The following MYO9B variants were observed in gnomAD, a reference collection of about 807,000 sequenced individuals.
MYO9B encodes myosin IXB, also known as unconventional myosin-IXb.
A neutral mutation model predicts 229.5 loss-of-function variants in MYO9B; 71 were observed. The ratio of observed to expected loss-of-function variants is 0.31; its 90% CI spans 0.26 to 0.38. MYO9B has a LOEUF of 0.38. MYO9B is among the 10% of genes least tolerant of loss of function. MYO9B has a pLI of 1.00. For missense variants in MYO9B, 2,255 were observed against 2,920.5 expected, an observed-to-expected ratio of 0.77 and a Z score of 5.25; for synonymous variants, 1,185 against 1,235.8, an observed-to-expected ratio of 0.96 and a Z score of 0.86.
At position 17,117,591 on chromosome 19, in the gene MYO9B, C is replaced by T. The variant is rs1423872393; in HGVS notation, c.840+15034C>T. Among the ~76,000 whole-genome samples, 8 of 152,204 alleles carry T rather than the reference C, an allele frequency of 5.3e-5. No homozygotes were observed. The East Asian group carries it at 1.3e-3, about 26-fold the overall frequency. On this transcript the variant is annotated intron_variant, in intron 2 of 39. Transcript: ENST00000682292. ...CTCTGTAAATCCCGGACAGTATCAT[C>T]ACCTCTTTAAGGGAGAGTGAATTAC...
intron 2 of MYO9B, among the ~76,000 whole-genome samples, chr19:17,134,384 T>TG (rs1257326838): frequency 2.2e-4 from 16 of 73,944 alleles, no homozygotes; most frequent in South Asian, 4.7e-4. Flanking sequence ...TTTGTTTGTT[T>TG]TTTTTTTTTT....
rs147952566 is a variant in MYO9B, at chr19:17,102,624, A to G, written c.840+67A>G. 221 of 1,469,554 alleles carry G rather than the reference A, an allele frequency of 1.5e-4. 1 individual carries two copies. The East Asian group carries it at 4.2e-3, about 28-fold the overall frequency. The allele number at this position is 1,469,554 out of a possible 1,614,324, so 91.0% of individuals were successfully genotyped here. On this transcript the variant is annotated intron_variant, in intron 2 of 39. Coordinates refer to ENST00000682292, the MANE Select transcript of MYO9B (RefSeq NM_004145.4). ...TTTGGAAAATGCGGGTTTCAGGCCA[A>G]GCTCGGTGGCCCACATCTATAATCC...
intron 38 of MYO9B, among the ~76,000 whole-genome samples, 174 bp from the exon 39 acceptor site, chr19:17,211,473 C>T (rs2073228223): frequency 6.6e-6 from 1 of 152,030 alleles, no homozygotes; most frequent in Admixed American, 6.6e-5. Flanking sequence ...CAGGGTCCGC[C>T]TATGTTGCCC....
chr19:17,175,646 C>T lies in MYO9B; in HGVS notation c.2141-17C>T. Reference sequence around the variant, plus strand: ...AGGAGGCCATCCCCACCACCATCCACTCTGTGTCTCCGGCAGGTATGAGCA... The same window carrying T: ...AGGAGGCCATCCCCACCACCATCCATTCTGTGTCTCCGGCAGGTATGAGCA... On this transcript the variant is annotated splice_polypyrimidine_tract_variant and intron_variant, in intron 13 of 39. Coordinates refer to ENST00000682292, the MANE Select transcript of MYO9B (RefSeq NM_004145.4). 2.6e-6 allele frequency: 4 copies of T among 1,557,238 alleles called. No homozygotes were observed. Among genetic ancestry groups the T allele is most frequent in the Non-Finnish European group, 2.6e-6 (3 of 1,152,044 alleles).
chr19:17,152,594 C>T (rs762053205), intron 3 of MYO9B, 50 bp from the exon 4 acceptor site: 62 of 1,443,948 alleles, frequency 4.3e-5, no homozygotes, highest in Non-Finnish European at 5.5e-5. Flanking sequence ...AATATTAACA[C>T]AATACTAAAA....
At chr19:17,083,699 T>C (rs2057555936) in intron 1 of MYO9B, among the ~76,000 whole-genome samples, 1 of 147,682 alleles carries the variant, frequency 6.8e-6, no homozygotes, top group Non-Finnish European at 1.5e-5. Flanking sequence ...CAGGCTGGAG[T>C]GCAATGGCAC....
In MYO9B at chr19:17,133,550, G is replaced by A. The variant is rs1599356611; in HGVS notation, c.841-11847G>A. 2.7e-5 allele frequency among the ~76,000 whole-genome samples: 4 copies of A among 150,686 alleles called. No homozygotes were observed. The East Asian group carries it at 5.9e-4, about 22-fold the overall frequency. The stretch of plus-strand genomic sequence containing the variant: ...CAGTTCACTGCAGCCTCAACTTCCT[G>A]GGCCTAAGCGATCCTTCTGCCTCAG... On this transcript the variant is annotated intron_variant, in intron 2 of 39. Coordinates refer to ENST00000682292, the MANE Select transcript of MYO9B (RefSeq NM_004145.4).
intron 4 of MYO9B, 146 bp from the exon 5 acceptor site, chr19:17,153,821 T>G: frequency 1.6e-6 from 1 of 629,564 alleles, no homozygotes; most frequent in South Asian, 2.0e-5. Context: ...GTTTTGTTTT[T>G]TTAAGACATA....
intron 1 of MYO9B, among the ~76,000 whole-genome samples, chr19:17,079,371 G>A (rs1012857461): frequency 4.6e-5 from 7 of 152,184 alleles, no homozygotes; most frequent in African/African-American, 1.4e-4. Flanking sequence ...GGTAGGCAAC[G>A]TGCCCGAGGG....
chr19:17,160,527 T>TTTTA (rs2072588109), intron 8 of MYO9B, among the ~76,000 whole-genome samples: 2 of 143,632 alleles, frequency 1.4e-5, no homozygotes, highest in East Asian at 1.9e-4. Flanking sequence ...TTTTTTTTTT[T>TTTTA]GAGATAGCGT....
At chr19:17,142,483 G>A (rs2145221147) in intron 2 of MYO9B, among the ~76,000 whole-genome samples, 1 of 151,910 alleles carries the variant, frequency 6.6e-6, no homozygotes, top group East Asian at 1.9e-4. Context: ...TTTTTTAATT[G>A]CTCTGTGAAC....
At chr19:17,208,003 T>A in intron 35 of MYO9B, 1 of 115,246 alleles carries the variant, frequency 8.7e-6, no homozygotes, top group Non-Finnish European at 1.7e-5. Flanking sequence ...AAAGCGAAAC[T>A]CTATCTCAAA....
intron 2 of MYO9B, among the ~76,000 whole-genome samples, chr19:17,123,702 C>A (rs545670095): frequency 8.8e-4 from 134 of 152,162 alleles, no homozygotes; most frequent in African/African-American, 3.0e-3. Context: ...AGCCACCACA[C>A]CTGGCCACAA....
intron 24 of MYO9B, among the ~76,000 whole-genome samples, chr19:17,199,784 TCCAC>T (rs1184085236): frequency 6.6e-6 from 1 of 150,692 alleles, no homozygotes; most frequent in African/African-American, 2.4e-5. Flanking sequence ...GCTCAGCTGA[TCCAC>T]CCACCTCAGC....
At chr19:17,205,719 A>C (rs1031894136) in intron 31 of MYO9B, among the ~76,000 whole-genome samples, 4 of 152,060 alleles carry the variant, frequency 2.6e-5, no homozygotes, top group Non-Finnish European at 5.9e-5. Context: ...CTCTCTCCCC[A>C]CGAAGGACCA....
At chr19:17,117,162 C>G (rs1285076747) in intron 2 of MYO9B, among the ~76,000 whole-genome samples, 1 of 152,124 alleles carries the variant, frequency 6.6e-6, no homozygotes, top group African/African-American at 2.4e-5. Flanking sequence ...ACAGGGGACC[C>G]ATCTGTCTAT....
chr19:17,204,436 G>T (rs1446861855), intron 30 of MYO9B, among the ~76,000 whole-genome samples: 2 of 151,154 alleles, frequency 1.3e-5, no homozygotes, highest in South Asian at 2.1e-4. Flanking sequence ...CCTGCTCATG[G>T]TTCCGCTAGC....
At chr19:17,144,342 T>C (rs1359955819) in intron 2 of MYO9B, among the ~76,000 whole-genome samples, 1 of 152,184 alleles carries the variant, frequency 6.6e-6, no homozygotes, top group African/African-American at 2.4e-5. Context: ...TGATGGTTCA[T>C]GCCTGTAATT....
At chr19:17,140,324 T>A (rs1160360250) in intron 2 of MYO9B, among the ~76,000 whole-genome samples, 1 of 152,034 alleles carries the variant, frequency 6.6e-6, no homozygotes, top group African/African-American at 2.4e-5. Context: ...CTCTTCTTGG[T>A]TCATTGATGG....
Sources: allele counts gnomAD v4.1 joint callset (sites outside exome capture counted in the v4.1 genomes callset), GRCh38; gene constraint gnomAD v4.1.1; transcripts MANE v1.5; gene names NCBI Gene and HGNC (gene_info 2026-07-23, HGNC 2026-07-21).